BAG3: variants seen among roughly 807,000 people sequenced by gnomAD.
The protein encoded by BAG3 is BAG family molecular chaperone regulator 3.
A neutral mutation model predicts 40.5 loss-of-function variants in BAG3; 14 were observed. The observed-to-expected ratio is 0.35, with a 90% CI of 0.23 to 0.54. BAG3 has a LOEUF of 0.54. Ranked by LOEUF, BAG3 falls within the 20% of genes least tolerant of loss-of-function variation. The pLI, the probability that BAG3 is intolerant of heterozygous loss-of-function variation, is 0.91. For synonymous variants in BAG3, 302 were observed against 307.8 expected (o/e 0.98, Z 0.20); for missense variants, 788 against 758.6 (o/e 1.04, Z -0.46).
chr10:119,652,236 T>C (rs2577337), intron 1 of BAG3, among the ~76,000 whole-genome samples: 149,085 of 152,152 alleles, frequency 0.98, 73,097 homozygotes, highest in Middle Eastern at 1. Context: ...CGGCCCACCG[T>C]GGCCCCTGCT....
At chr10:119,660,331 T>C (rs1846975827) in intron 1 of BAG3, among the ~76,000 whole-genome samples, 1 of 152,200 alleles carries the variant, frequency 6.6e-6, no homozygotes, top group East Asian at 1.9e-4. Flanking sequence ...AGCAGGCCTC[T>C]TCCCCAGAGC....
chr10:119,675,758 T>TC (rs1564775818), intron 3 of BAG3, among the ~76,000 whole-genome samples: 50 of 98,438 alleles, frequency 5.1e-4, no homozygotes, highest in South Asian at 1.2e-3. Flanking sequence ...CTTCTTTCCT[T>TC]CCTTCCTTCC....
rs1212566740 is a variant in BAG3, at chr10:119,652,248, C to T, written c.180+393C>T. On this transcript the variant is annotated intron_variant, in intron 1 of 3. Coordinates refer to ENST00000369085, the MANE Select transcript of BAG3 (RefSeq NM_004281.4). ...CCCCGGCCCACCGTGGCCCCTGCTG[C>T]CCGCTCGGCCTCCGGGCCCGGGACC... is the stretch of plus-strand genomic sequence containing the variant. 4.6e-5 allele frequency among the ~76,000 whole-genome samples: 7 copies of T among 152,100 alleles called. No individual in the cohort carries two copies. The East Asian group carries it at 9.7e-4, about 21-fold the overall frequency.
At chr10:119,660,469 A>G (rs1846977422) in intron 1 of BAG3, among the ~76,000 whole-genome samples, 1 of 152,210 alleles carries the variant, frequency 6.6e-6, no homozygotes, top group Non-Finnish European at 1.5e-5. Flanking sequence ...ATCCTTGCTA[A>G]TTAGTCCTCT....
rs2134068948 is a variant in BAG3 at position 119,676,706 on chromosome 10, C to T, written c.1152C>T (p.Pro384=). ...CCAGCCCTGGCCCTTCTGCTGTCCCCTCTTCCCCCAAGAGTGTGGCTACAG... is the reference window on the plus strand; with the variant it reads ...CCAGCCCTGGCCCTTCTGCTGTCCCTTCTTCCCCCAAGAGTGTGGCTACAG... ...PPPSPGPSAV[P]SSPKSVATEE... Residue 384 remains proline (P), a synonymous_variant, in exon 4 of 4, where the codon CCC becomes CCT. Coordinates refer to ENST00000369085, the MANE Select transcript of BAG3 (RefSeq NM_004281.4). 1.9e-6 allele frequency: 3 copies of T among 1,614,194 alleles called. No homozygotes were observed. Among genetic ancestry groups the T allele is most frequent in the Non-Finnish European group, 2.5e-6 (3 of 1,180,030 alleles).
At chr10:119,659,324 C>T (rs961840273) in intron 1 of BAG3, among the ~76,000 whole-genome samples, 2 of 152,230 alleles carry the variant, frequency 1.3e-5, no homozygotes, top group Non-Finnish European at 2.9e-5. Flanking sequence ...GGAGGGTCTC[C>T]CTCAGCTGTG....
At chr10:119,657,431 C>A in intron 1 of BAG3, 2 of 432,974 alleles carry the variant, frequency 4.6e-6, no homozygotes, top group South Asian at 3.4e-5. Context: ...AGTCTGTGTG[C>A]TTCATCGCTG....
At chr10:119,656,000 C>T (rs935364655) in intron 1 of BAG3, among the ~76,000 whole-genome samples, 3 of 152,118 alleles carry the variant, frequency 2.0e-5, no homozygotes, top group Non-Finnish European at 2.9e-5. Flanking sequence ...GTGCTGTCCT[C>T]GTTTCTGGAA....
chr10:119,661,073 A>G (rs756102118), intron 1 of BAG3, among the ~76,000 whole-genome samples: 25 of 151,552 alleles, frequency 1.6e-4, no homozygotes, highest in Non-Finnish European at 3.5e-4. Context: ...AGTCTGGGCA[A>G]TAAGAGTGAA....
chr10:119,670,137 C>T lies in BAG3; in HGVS notation c.467C>T (p.Ala156Val), dbSNP rs572038196. The T allele has an allele frequency of 1.4e-5, 22 of 1,610,440 alleles. No individual in the cohort carries two copies. The highest frequency in any genetic ancestry group is 7.7e-5 in the South Asian group (7 of 91,008). Reference protein sequence around the residue: ...QPDKQCGQVAAAAAAQPPASH... With the variant: ...QPDKQCGQVAVAAAAQPPASH... ...GATAAACAGTGTGGACAGGTGGCAG[C>T]GGCGGCGGCAGCCCAGCCCCCAGCC... The change falls in exon 2 of 4, where the codon GCG becomes GTG. Residue 156 changes from alanine (A) to valine (V), a missense_variant. Coordinates refer to ENST00000369085, the MANE Select transcript of BAG3 (RefSeq NM_004281.4).
intron 1 of BAG3, among the ~76,000 whole-genome samples, chr10:119,663,162 C>G (rs752184004): frequency 2.1e-4 from 32 of 152,244 alleles, no homozygotes; most frequent in Admixed American, 2.0e-3. Flanking sequence ...ACGGCTCTTT[C>G]ATGAACATGT....
Position 119,672,602 on chromosome 10 carries a change from G to A in BAG3, c.855G>A (p.Thr285=), listed in dbSNP as rs147259596. Reference sequence around the variant, plus strand: ...AGGGCTCACCAGCCAGGAGCAGCACGCCACTCCACTCCCCCTCGCCCATCC... The same window carrying A: ...AGGGCTCACCAGCCAGGAGCAGCACACCACTCCACTCCCCCTCGCCCATCC... The part of the protein sequence containing the change: ...SREGSPARSS[T]PLHSPSPIRV... Residue 285 remains threonine, a synonymous_variant, in exon 3 of 4, where the codon ACG becomes ACA. Coordinates refer to ENST00000369085, the MANE Select transcript of BAG3 (RefSeq NM_004281.4). This position sits in a 1 kb window ranked among gnomAD's most constrained non-coding sequence, Gnocchi z 4.8. The A allele has an allele frequency of 6.5e-4, 1,047 of 1,614,006 alleles. No homozygotes were observed. The highest frequency in any genetic ancestry group is 8.1e-4 in the Non-Finnish European group (953 of 1,180,040).
intron 1 of BAG3, 62 bp from the exon 2 acceptor site, chr10:119,669,789 C>T (rs1847117726): frequency 6.6e-7 from 1 of 1,517,522 alleles, no homozygotes; most frequent in Non-Finnish European, 9.1e-7. Flanking sequence ...AGTGTTTCCT[C>T]TGCCAGGAGG....
intron 3 of BAG3, among the ~76,000 whole-genome samples, chr10:119,675,420 A>G (rs1353014621): frequency 1.3e-5 from 2 of 152,224 alleles, no homozygotes; most frequent in Non-Finnish European, 1.5e-5. Flanking sequence ...GCGCTGTGTC[A>G]TTGCTGAATG....
chr10:119,653,738 C>T (rs563516775), intron 1 of BAG3, among the ~76,000 whole-genome samples: 1 of 152,004 alleles, frequency 6.6e-6, no homozygotes, highest in Non-Finnish European at 1.5e-5. Flanking sequence ...TTTCTGAAAC[C>T]CAGAGAGTTC....
chr10:119,666,012 C>T (rs1242492556), intron 1 of BAG3, among the ~76,000 whole-genome samples: 2 of 152,188 alleles, frequency 1.3e-5, no homozygotes, highest in African/African-American at 4.8e-5. Flanking sequence ...CCAGCTGTGC[C>T]GGCAGGCTTG....
In BAG3 at chr10:119,677,457, C is replaced by CTAT; in HGVS notation, c.*176_*178dup. ...TAAAAAGGAAAATGATGCTTTTCTT[C>CTAT]TATATTCTTACTCTGTACAAATAAA... is the stretch of plus-strand genomic sequence containing the variant. On this transcript the variant is annotated 3_prime_UTR_variant, in exon 4 of 4. Coordinates refer to ENST00000369085, the MANE Select transcript of BAG3 (RefSeq NM_004281.4). 1.3e-6 allele frequency: 1 copy of CTAT among 788,820 alleles called. No individual in the cohort carries two copies. The highest frequency in any genetic ancestry group is 2.7e-5 in the East Asian group (1 of 37,506). 48.9% of individuals were successfully genotyped at this position (788,820 alleles called of 1,614,324 possible).
At chr10:119,651,993 C>G (rs1484257607) in intron 1 of BAG3, 138 bp downstream of exon 1, 4 of 678,640 alleles carry the variant, frequency 5.9e-6, no homozygotes, top group African/African-American at 1.9e-5. Flanking sequence ...ACACCGGCTC[C>G]GCGCCCCGCC....
chr10:119,676,375 C>T, intron 3 of BAG3, 89 bp from the exon 4 acceptor site: 2 of 1,386,252 alleles, frequency 1.4e-6, no homozygotes, highest in Non-Finnish European at 2.0e-6. Context: ...AGCCATTTCT[C>T]AGTTTTCTTT....
Sources: gnomAD v4.1 joint callset for allele counts (sites outside exome capture counted in the v4.1 genomes callset) on GRCh38, gnomAD v4.1.1 for gene constraint, Gnocchi (gnomAD v3.1) non-coding constraint, MANE v1.5 for transcripts, NCBI Gene and HGNC (gene_info 2026-07-23, HGNC 2026-07-21) for gene names.